The following MACROD2 variants were observed in gnomAD, a reference collection of about 807,000 sequenced individuals.
MACROD2 encodes mono-ADP ribosylhydrolase 2, also known as ADP-ribose glycohydrolase MACROD2.
In MACROD2, 36 loss-of-function variants were observed where a neutral mutation model predicts 70.4. The ratio of observed to expected loss-of-function variants is 0.51; its 90% confidence interval spans 0.39 to 0.68. The LOEUF (loss-of-function observed/expected upper bound fraction) is 0.68, where lower values mean the gene tolerates loss of function less well. Ranked by LOEUF, MACROD2 falls within the 30% of genes least tolerant of loss-of-function variation. MACROD2 has a pLI of 0.00. For synonymous variants in MACROD2, 172 were observed against 178.8 expected (o/e 0.96, Z 0.30); for missense variants, 496 against 538.4 (o/e 0.92, Z 0.78).
intron 3 of MACROD2, among the ~76,000 whole-genome samples, chr20:14,451,884 A>G (rs1228365088): frequency 2.0e-5 from 3 of 152,188 alleles, no homozygotes; most frequent in Non-Finnish European, 4.4e-5. Flanking sequence ...TGTGCCTTGA[A>G]TTATGCTGAA....
intron 8 of MACROD2, among the ~76,000 whole-genome samples, chr20:15,776,382 T>C (rs1309796436): frequency 6.6e-6 from 1 of 152,112 alleles, no homozygotes; most frequent in Admixed American, 6.5e-5. Context: ...ATGGACTGTG[T>C]TTTCTGGGAG....
At chr20:14,340,738 G>A (rs1020489442) in intron 3 of MACROD2, among the ~76,000 whole-genome samples, 4 of 152,148 alleles carry the variant, frequency 2.6e-5, no homozygotes, top group Non-Finnish European at 4.4e-5. Context: ...AGCATTGTAC[G>A]TGAGAAAGTG....
intron 8 of MACROD2, among the ~76,000 whole-genome samples, chr20:15,746,753 G>A (rs2051190211): frequency 6.6e-6 from 1 of 152,082 alleles, no homozygotes; most frequent in Non-Finnish European, 1.5e-5. Flanking sequence ...TGGATCTATT[G>A]AGGTTGTGTT....
At chr20:15,097,267 T>G (rs2075840840) in intron 5 of MACROD2, among the ~76,000 whole-genome samples, 1 of 152,220 alleles carries the variant, frequency 6.6e-6, no homozygotes, top group African/African-American at 2.4e-5. Context: ...TGTGGTATTT[T>G]GCATTGTACT....
At position 14,637,874 on chromosome 20, in the gene MACROD2, A is replaced by T. The variant is rs16994770; in HGVS notation, c.302-46969A>T. 7.4e-3 allele frequency among the ~76,000 whole-genome samples: 1,131 copies of T among 152,284 alleles called. 8 individuals carry two copies. The highest frequency in any genetic ancestry group is 0.025 in the African/African-American group (1,026 of 41,538). On this transcript the variant is annotated intron_variant, in intron 4 of 17. Transcript: ENST00000684519. ...CCTCTCAGTATTCTCTGGCAACATC[A>T]TGAATAAGCAACATTTTAGATGGTT... is the stretch of plus-strand genomic sequence containing the variant.
At chr20:15,461,006 A>ATATATATATATATATATATTTTT in intron 7 of MACROD2, among the ~76,000 whole-genome samples, 52 of 66,970 alleles carry the variant, frequency 7.8e-4, no homozygotes, top group Non-Finnish European at 1.3e-3. Context: ...ATATATATAT[A>ATATATATATATATATATATTTTT]TTTTTTTTTA....
At chr20:15,413,342 C>T (rs529879906) in intron 6 of MACROD2, among the ~76,000 whole-genome samples, 5 of 152,192 alleles carry the variant, frequency 3.3e-5, no homozygotes, top group East Asian at 3.9e-4. Flanking sequence ...AGGAAATACA[C>T]CATATGTAAA....
rs2081554319 is a variant in MACROD2 at position 14,209,568 on chromosome 20, C to T, written c.271+123840C>T. ...CTTCAAAATATAAAATGGCTTAAAA[C>T]CAATAATTTATTTCCTGCTCATTAC... On this transcript the variant is annotated intron_variant, in intron 3 of 17. Coordinates refer to ENST00000684519, the MANE Select transcript of MACROD2 (RefSeq NM_001351661.2). 2.0e-5 allele frequency among the ~76,000 whole-genome samples: 3 copies of T among 152,072 alleles called. No individual in the cohort carries two copies. The South Asian group carries it at 6.2e-4, about 32-fold the overall frequency.
At chr20:15,583,595 G>A (rs1056841268) in intron 8 of MACROD2, among the ~76,000 whole-genome samples, 1 of 152,148 alleles carries the variant, frequency 6.6e-6, no homozygotes, top group Non-Finnish European at 1.5e-5. Flanking sequence ...AGGGCTCCAA[G>A]AAGTGTTCTG....
chr20:15,144,991 A>G (rs946126726), intron 5 of MACROD2, among the ~76,000 whole-genome samples: 1 of 152,136 alleles, frequency 6.6e-6, no homozygotes, highest in Non-Finnish European at 1.5e-5. Flanking sequence ...TGGTACATAT[A>G]TGAGGGAGTG....
intron 7 of MACROD2, among the ~76,000 whole-genome samples, chr20:15,497,046 G>A (rs1334929575): frequency 1.3e-5 from 2 of 152,186 alleles, no homozygotes; most frequent in Non-Finnish European, 2.9e-5. Context: ...TTAGGACTTG[G>A]TTACCAACAG....
chr20:14,813,982 T>C (rs1204322885), intron 5 of MACROD2, among the ~76,000 whole-genome samples: 3 of 152,094 alleles, frequency 2.0e-5, no homozygotes, highest in Non-Finnish European at 2.9e-5. Flanking sequence ...AGCAACCAGC[T>C]ATCTCATTAA....
chr20:14,277,488 A>G (rs1178806744), intron 3 of MACROD2, among the ~76,000 whole-genome samples: 9 of 152,186 alleles, frequency 5.9e-5, no homozygotes, highest in African/African-American at 2.2e-4. Flanking sequence ...ATGGTTTCCA[A>G]AAAGCTAGTT....
intron 5 of MACROD2, among the ~76,000 whole-genome samples, chr20:14,733,679 C>G (rs890411802): frequency 3.3e-5 from 5 of 152,126 alleles, no homozygotes; most frequent in African/African-American, 1.2e-4. Flanking sequence ...TCTCTGGGAA[C>G]TTGGAATAAA....
intron 3 of MACROD2, among the ~76,000 whole-genome samples, chr20:14,158,232 A>C (rs2055132598): frequency 6.6e-6 from 1 of 152,130 alleles, no homozygotes; most frequent in Admixed American, 6.6e-5. Context: ...TCTTCTTTTG[A>C]GAAATGCCTA....
At position 14,502,270 on chromosome 20, in the gene MACROD2, T is replaced by C. The variant is rs146854706; in HGVS notation, c.301+8762T>C. Among the ~76,000 whole-genome samples, 525 of 152,312 alleles carry C rather than the reference T, an allele frequency of 3.4e-3. 4 individuals are homozygous for C. Among genetic ancestry groups the C allele is most frequent in the African/African-American group, 0.012 (494 of 41,574 alleles). On this transcript the variant is annotated intron_variant, in intron 4 of 17. Coordinates refer to ENST00000684519, the MANE Select transcript of MACROD2 (RefSeq NM_001351661.2). ...TAGGGAGCCACTTTTATAATCTTTT[T>C]TGTTTTTGGCACTGTTAAGAATCCT... is the stretch of plus-strand genomic sequence containing the variant.
chr20:14,861,266 T>C (rs192393057), intron 5 of MACROD2, among the ~76,000 whole-genome samples: 98 of 152,248 alleles, frequency 6.4e-4, no homozygotes, highest in African/African-American at 2.3e-3. Flanking sequence ...TGGAGCCCAG[T>C]GAGCTCTAGA....
intron 3 of MACROD2, among the ~76,000 whole-genome samples, chr20:14,357,893 C>T (rs1328077047): frequency 2.6e-5 from 4 of 152,150 alleles, no homozygotes; most frequent in Non-Finnish European, 5.9e-5. Context: ...GCTGTTTTGC[C>T]CCTCCTCCCC....
chr20:15,036,569 G>T (rs754408831), intron 5 of MACROD2, among the ~76,000 whole-genome samples: 1 of 151,966 alleles, frequency 6.6e-6, no homozygotes, highest in Non-Finnish European at 1.5e-5. Context: ...TCATAATCAC[G>T]CACTCATCTT....
Sources: allele counts gnomAD v4.1 joint callset (sites outside exome capture counted in the v4.1 genomes callset), GRCh38; gene constraint gnomAD v4.1.1; transcripts MANE v1.5; gene names NCBI Gene and HGNC (gene_info 2026-07-23, HGNC 2026-07-21).